SERGEF: variants seen among roughly 807,000 people sequenced by gnomAD.
SERGEF encodes the protein secretion-regulating guanine nucleotide exchange factor.
In SERGEF, 51 loss-of-function variants were observed where a neutral mutation model predicts 50.0. That is an observed-to-expected ratio of 1.02 (90% CI 0.81 to 1.29). The LOEUF (loss-of-function observed/expected upper bound fraction) is 1.29, where lower values mean the gene tolerates loss of function less well. Among genes scored for constraint, SERGEF ranks in the 50% most tolerant of loss-of-function variants. The pLI is 0.00. For synonymous variants in SERGEF, 205 were observed against 212.4 expected, an observed-to-expected ratio of 0.97 and a Z score of 0.30; for missense variants, 521 against 557.0, an observed-to-expected ratio of 0.94 and a Z score of 0.65.
intron 9 of SERGEF, among the ~76,000 whole-genome samples, chr11:17,879,999 C>T (rs1433334585): frequency 6.6e-6 from 1 of 152,220 alleles, no homozygotes; most frequent in African/African-American, 2.4e-5. Context: ...GCTCAGGCCC[C>T]TGACAGTGTA....
intron 10 of SERGEF, among the ~76,000 whole-genome samples, chr11:17,858,223 C>A (rs780770281): frequency 3.0e-4 from 46 of 152,100 alleles, no homozygotes; most frequent in Non-Finnish European, 5.6e-4. Flanking sequence ...AACTAGGCAA[C>A]CTATCTCTTG....
intron 9 of SERGEF, chr11:17,918,722 T>C (rs1185460449): frequency 2.2e-6 from 1 of 454,084 alleles, no homozygotes; most frequent in Admixed American, 2.4e-5. Flanking sequence ...AATGAAGTGA[T>C]CAATTAGGAC....
intron 10 of SERGEF, among the ~76,000 whole-genome samples, chr11:17,853,330 G>T (rs1850747648): frequency 2.0e-5 from 3 of 152,154 alleles, no homozygotes; most frequent in Non-Finnish European, 4.4e-5. Flanking sequence ...AATGTTAAGT[G>T]AATGTTCATT....
chr11:17,823,612 G>T (rs895831902), intron 10 of SERGEF, among the ~76,000 whole-genome samples: 3 of 152,156 alleles, frequency 2.0e-5, no homozygotes, highest in Non-Finnish European at 4.4e-5. Flanking sequence ...GGGGAGGGTG[G>T]CTAGGCCCAA....
At chr11:17,903,854 G>A (rs2133922815) in intron 9 of SERGEF, among the ~76,000 whole-genome samples, 1 of 152,314 alleles carries the variant, frequency 6.6e-6, no homozygotes, top group African/African-American at 2.4e-5. Context: ...GAAGAGGACA[G>A]CCGTGGAGAA....
intron 9 of SERGEF, among the ~76,000 whole-genome samples, chr11:17,902,128 C>T (rs1042052485): frequency 1.3e-5 from 2 of 152,068 alleles, no homozygotes; most frequent in Non-Finnish European, 2.9e-5. Context: ...TGTATTTTTT[C>T]ACTGAAGAAG....
chr11:17,919,035 T>C lies in SERGEF; in HGVS notation c.1011+40435A>G, dbSNP rs539757161. ...TACATATATAGAGAGCTGCTGCATA[T>C]TACTCATCATATTACATAACAAATC... On this transcript the variant is annotated intron_variant, in intron 9 of 10. Coordinates refer to ENST00000265965, the MANE Select transcript of SERGEF (RefSeq NM_012139.4). Among the ~76,000 whole-genome samples the C allele has an allele frequency of 2.0e-5, 3 of 152,326 alleles. No homozygotes were observed. The South Asian group carries it at 6.2e-4, about 32-fold the overall frequency.
At chr11:17,794,073 G>A (rs571415435) in intron 10 of SERGEF, among the ~76,000 whole-genome samples, 30 of 152,318 alleles carry the variant, frequency 2.0e-4, no homozygotes, top group Non-Finnish European at 3.7e-4. Context: ...GCTGGAGGAC[G>A]TTGCCAAGGA....
intron 8 of SERGEF, among the ~76,000 whole-genome samples, chr11:17,967,108 A>T (rs894129434): frequency 1.3e-5 from 2 of 152,224 alleles, no homozygotes; most frequent in African/African-American, 4.8e-5. Flanking sequence ...AATCCACAGA[A>T]ATACCCTGAG....
chr11:17,980,006 TCTA>T (rs1853461718), intron 8 of SERGEF, among the ~76,000 whole-genome samples: 1 of 152,074 alleles, frequency 6.6e-6, no homozygotes, highest in Non-Finnish European at 1.5e-5. Context: ...TCACTCAACT[TCTA>T]CTCCAATTCA....
intron 8 of SERGEF, among the ~76,000 whole-genome samples, chr11:17,967,344 T>C (rs868116612): frequency 8.5e-5 from 13 of 152,148 alleles, no homozygotes; most frequent in Admixed American, 4.6e-4. Context: ...AAGTGAACAT[T>C]CGCAAGGACT....
chr11:17,815,969 A>G (rs1849967778), intron 10 of SERGEF, among the ~76,000 whole-genome samples: 1 of 152,176 alleles, frequency 6.6e-6, no homozygotes, highest in Admixed American at 6.5e-5. Context: ...TCAAATACTA[A>G]GGGGAAGATA....
At chr11:17,993,016 CT>C (rs1853752756) in intron 6 of SERGEF, 23 bp from the exon 7 acceptor site, 2 of 1,605,204 alleles carry the variant, frequency 1.2e-6, no homozygotes, top group Non-Finnish European at 8.5e-7. Flanking sequence ...AAATGTTCTT[CT>C]GAATTACATT....
At chr11:17,829,634 A>C (rs962738438) in intron 10 of SERGEF, among the ~76,000 whole-genome samples, 6 of 151,634 alleles carry the variant, frequency 4.0e-5, no homozygotes, top group East Asian at 1.9e-4. Context: ...CACACCACCC[A>C]AAAAAAAATC....
At position 17,823,292 on chromosome 11, in the gene SERGEF, T is replaced by A. The variant is rs117581205; in HGVS notation, c.1049-34879A>T. Among the ~76,000 whole-genome samples, 138 of 152,322 alleles carry A rather than the reference T, an allele frequency of 9.1e-4. 1 individual carries two copies. The East Asian group carries it at 0.025, about 28-fold the overall frequency. ...ATCATCACACTATATAAAAGTTATA[T>A]ACTATCAACATGATTTATCACTGAT... On this transcript the variant is annotated intron_variant, in intron 10 of 10. Transcript: ENST00000265965.
intron 10 of SERGEF, among the ~76,000 whole-genome samples, chr11:17,822,414 T>A (rs1456645124): frequency 1.3e-5 from 2 of 151,782 alleles, no homozygotes; most frequent in African/African-American, 4.8e-5. Flanking sequence ...AATATGAAAA[T>A]AAAAATGCAA....
intron 9 of SERGEF, among the ~76,000 whole-genome samples, chr11:17,890,605 G>C (rs1456497246): frequency 2.0e-5 from 3 of 152,068 alleles, no homozygotes; most frequent in African/African-American, 4.8e-5. Flanking sequence ...ATTTTTTGTA[G>C]AGATGGGGTC....
At chr11:18,003,507 T>C (rs76664149) in intron 4 of SERGEF, among the ~76,000 whole-genome samples, 3,323 of 152,270 alleles carry the variant, frequency 0.022, 109 homozygotes, top group African/African-American at 0.076. Context: ...TTCAAAGACT[T>C]AGTACAAAAT....
intron 9 of SERGEF, among the ~76,000 whole-genome samples, chr11:17,949,606 T>C (rs1237964510): frequency 2.0e-5 from 3 of 151,990 alleles, no homozygotes; most frequent in Non-Finnish European, 4.4e-5. Flanking sequence ...TCTAGCTGTC[T>C]GGATGTGGCC....
Sources: gnomAD v4.1 joint callset for allele counts (sites outside exome capture counted in the v4.1 genomes callset) on GRCh38, gnomAD v4.1.1 for gene constraint, MANE v1.5 for transcripts, NCBI Gene and HGNC (gene_info 2026-07-23, HGNC 2026-07-21) for gene names.